NMT2: variants seen among roughly 807,000 people sequenced by gnomAD.
NMT2 encodes the protein glycylpeptide N-tetradecanoyltransferase 2.
A neutral mutation model predicts 65.4 loss-of-function variants in NMT2; 35 were observed. The observed-to-expected ratio is 0.54, with a 90% CI of 0.41 to 0.71. The LOEUF (loss-of-function observed/expected upper bound fraction) is 0.71. NMT2 is among the 30% of genes least tolerant of loss of function. The pLI, the probability that NMT2 is intolerant of heterozygous loss-of-function variation, is 0.00. For synonymous variants in NMT2, 226 were observed against 231.8 expected (o/e 0.98, Z 0.23); for missense variants, 489 against 611.3 (o/e 0.80, Z 2.11).
At chr10:15,114,041 A>G (rs540533735) in intron 9 of NMT2, among the ~76,000 whole-genome samples, 1 of 152,312 alleles carries the variant, frequency 6.6e-6, no homozygotes, top group African/African-American at 2.4e-5. Flanking sequence ...AGAAGGATGT[A>G]TGCTTTGGTT....
intron 1 of NMT2, among the ~76,000 whole-genome samples, chr10:15,162,572 C>T (rs1034479389): frequency 6.6e-6 from 1 of 151,818 alleles, no homozygotes; most frequent in Non-Finnish European, 1.5e-5. Flanking sequence ...CAGCACACAA[C>T]AATAAGAGTC....
At chr10:15,142,459 G>C (rs1019906783) in intron 1 of NMT2, among the ~76,000 whole-genome samples, 4 of 152,208 alleles carry the variant, frequency 2.6e-5, no homozygotes, top group Admixed American at 6.5e-5. Flanking sequence ...CTACTCAGGA[G>C]GCTGAGGTGG....
At chr10:15,145,100 T>C (rs1433362792) in intron 1 of NMT2, among the ~76,000 whole-genome samples, 2 of 152,076 alleles carry the variant, frequency 1.3e-5, no homozygotes, top group Non-Finnish European at 2.9e-5. Flanking sequence ...AACAGCAACA[T>C]GAATGGATGC....
intron 10 of NMT2, 120 bp downstream of exon 10, chr10:15,112,676 G>T (rs955340008): frequency 7.0e-5 from 68 of 975,828 alleles, no homozygotes; most frequent in Non-Finnish European, 9.8e-5. Flanking sequence ...ATGATCAATA[G>T]TTTTTTTAAA....
At chr10:15,140,107 A>G (rs902774337) in intron 2 of NMT2, among the ~76,000 whole-genome samples, 1 of 151,642 alleles carries the variant, frequency 6.6e-6, no homozygotes, top group African/African-American at 2.4e-5. Context: ...TGTTTCCACA[A>G]TACCACATGC....
At chr10:15,148,688 T>G (rs1393800077) in intron 1 of NMT2, among the ~76,000 whole-genome samples, 2 of 152,162 alleles carry the variant, frequency 1.3e-5, no homozygotes, top group African/African-American at 4.8e-5. Flanking sequence ...TGTCTCTCTC[T>G]AACTAGAACA....
At position 15,106,928 on chromosome 10, in the gene NMT2, T is replaced by G. The variant is rs1323326003; in HGVS notation, c.*2267A>C. On this transcript the variant is annotated 3_prime_UTR_variant, in exon 12 of 12. Coordinates refer to ENST00000378165, the MANE Select transcript of NMT2 (RefSeq NM_004808.3). ...CCAGCACGGGAAACATAGCAAGACC[T>G]TGTCTCTACAAAAAATGAAAAACTT... 6.6e-6 allele frequency among the ~76,000 whole-genome samples: 1 copy of G among 152,120 alleles called. No homozygotes were observed. The highest frequency in any genetic ancestry group is 2.1e-4 in the South Asian group (1 of 4,826).
chr10:15,127,560 A>ATAAAT (rs1187772552), intron 8 of NMT2, among the ~76,000 whole-genome samples: 16 of 95,136 alleles, frequency 1.7e-4, no homozygotes, highest in South Asian at 2.5e-4. Context: ...AAAAAAAAAA[A>ATAAAT]AAAAAAAAAA....
At chr10:15,145,650 G>T (rs1414438114) in intron 1 of NMT2, among the ~76,000 whole-genome samples, 1 of 152,218 alleles carries the variant, frequency 6.6e-6, no homozygotes, top group African/African-American at 2.4e-5. Flanking sequence ...AAAGTGCTGG[G>T]ATTAGAGGTG....
chr10:15,147,986 G>A (rs1564583678), intron 1 of NMT2, among the ~76,000 whole-genome samples: 1 of 152,186 alleles, frequency 6.6e-6, no homozygotes, highest in Non-Finnish European at 1.5e-5. Context: ...AAATGAGAAA[G>A]TATTACCAGC....
At chr10:15,143,646 T>C (rs1289417612) in intron 1 of NMT2, among the ~76,000 whole-genome samples, 1 of 152,204 alleles carries the variant, frequency 6.6e-6, no homozygotes, top group Non-Finnish European at 1.5e-5. Context: ...CGCTTGAGCC[T>C]AGAAGGATCT....
At chr10:15,147,548 GA>G (rs915835941) in intron 1 of NMT2, among the ~76,000 whole-genome samples, 23 of 150,212 alleles carry the variant, frequency 1.5e-4, no homozygotes, top group South Asian at 8.4e-4. Flanking sequence ...AATCAGTAGT[GA>G]AAAAAAAATT....
intron 1 of NMT2, among the ~76,000 whole-genome samples, chr10:15,142,924 C>T (rs537508930): frequency 1.3e-5 from 2 of 152,278 alleles, no homozygotes; most frequent in South Asian, 2.1e-4. Flanking sequence ...GCTTTCCTCT[C>T]CCGGTGTTCC....
At chr10:15,157,224 G>T (rs1271111150) in intron 1 of NMT2, among the ~76,000 whole-genome samples, 2 of 152,214 alleles carry the variant, frequency 1.3e-5, no homozygotes, top group African/African-American at 2.4e-5. Context: ...GAACAGAAGC[G>T]CACTAAACAA....
At chr10:15,160,776 A>T (rs1474691227) in intron 1 of NMT2, among the ~76,000 whole-genome samples, 1 of 152,080 alleles carries the variant, frequency 6.6e-6, no homozygotes, top group African/African-American at 2.4e-5. Flanking sequence ...TCCATTGCAA[A>T]AAATAAAAAA....
Position 15,108,045 on chromosome 10 carries a change from G to T in NMT2, c.*1150C>A. On this transcript the variant is annotated 3_prime_UTR_variant, in exon 12 of 12. Coordinates refer to ENST00000378165, the MANE Select transcript of NMT2 (RefSeq NM_004808.3). ...CATTCAAACTATCAATGCCCTGATA[G>T]CACGAATAAGTTCCACCAGGCATCT... 3 of 985,748 alleles carry T rather than the reference G, an allele frequency of 3.0e-6. No homozygotes were observed. The highest frequency in any genetic ancestry group is 3.6e-6 in the Non-Finnish European group (3 of 829,922). 61.1% of individuals were successfully genotyped at this position (985,748 alleles called of 1,614,324 possible). A position where few individuals can be genotyped will look rare whatever the true frequency, so the allele number is the denominator to read the frequency against.
intron 8 of NMT2, among the ~76,000 whole-genome samples, chr10:15,126,329 T>C (rs1846072973): frequency 6.6e-6 from 1 of 151,238 alleles, no homozygotes; most frequent in African/African-American, 2.4e-5. Flanking sequence ...CTTGGGAGGC[T>C]GAGGCAGGAG....
Position 15,119,409 on chromosome 10 carries a change from C to A in NMT2, c.1104G>T (p.Met368Ile), listed in dbSNP as rs1845850145. The A allele has an allele frequency of 6.2e-7, 1 of 1,614,148 alleles. No individual in the cohort carries two copies. The highest frequency in any genetic ancestry group is 8.5e-7 in the Non-Finnish European group (1 of 1,179,992). ...ACCAGTGGGCTACTTCCTCTTCATC[C>A]ATCACTGGAGCCAGATGAAACTGCT... ...YLKQFHLAPV[M>I]DEEEVAHWFL... The change falls in exon 9 of 12, where the codon ATG (methionine) becomes ATT (isoleucine). Residue 368 changes from methionine (M) to isoleucine (I), a missense_variant. Transcript: ENST00000378165.
At chr10:15,115,248 CAG>C (rs1240257357) in intron 9 of NMT2, among the ~76,000 whole-genome samples, 3 of 152,124 alleles carry the variant, frequency 2.0e-5, no homozygotes, top group African/African-American at 4.8e-5. Context: ...CATTATTAAT[CAG>C]TGTTACAAAT....
Sources: allele counts gnomAD v4.1 joint callset (sites outside exome capture counted in the v4.1 genomes callset), GRCh38; gene constraint gnomAD v4.1.1; transcripts MANE v1.5; gene names NCBI Gene and HGNC (gene_info 2026-07-23, HGNC 2026-07-21).